Variants in ABCA4 observed in about 807,000 individuals in gnomAD.
ABCA4 encodes the protein retinal-specific phospholipid-transporting ATPase ABCA4.
In ABCA4, 196 loss-of-function variants were observed where a neutral mutation model predicts 263.7. That is an observed-to-expected ratio of 0.74 (90% CI 0.66 to 0.84). The LOEUF is 0.84. Among genes scored for constraint, ABCA4 ranks in the 40% least tolerant of loss-of-function variants. The pLI, the probability that ABCA4 is intolerant of heterozygous loss-of-function variation, is 0.00. For synonymous variants in ABCA4, 1,133 were observed against 1,094.2 expected (o/e 1.04, Z -0.70); for missense variants, 2,792 against 2,855.1 (o/e 0.98, Z 0.50).
chr1:94,099,404 C>T (rs1570423434), intron 5 of ABCA4, among the ~76,000 whole-genome samples: 1 of 152,228 alleles, frequency 6.6e-6, no homozygotes, highest in East Asian at 1.9e-4. Context: ...AACTTTCAGA[C>T]TTGTGACCTC....
intron 26 of ABCA4, 96 bp downstream of exon 26, chr1:94,036,644 C>T: frequency 7.4e-7 from 1 of 1,347,410 alleles, no homozygotes; most frequent in Non-Finnish European, 1.1e-6. Flanking sequence ...GCTGGGATTA[C>T]AGGCATGAGC....
Position 94,011,455 on chromosome 1 carries a change from C to T in ABCA4, c.5461-70G>A. On this transcript the variant is annotated intron_variant, in intron 38 of 49. Transcript: ENST00000370225. ...CCCCCCTCTCTTCAGCAGGTGGGGC[C>T]CAGATGCTCTCACAGGACAGCACAG... 2.5e-6 allele frequency: 4 copies of T among 1,608,466 alleles called. No homozygotes were observed. In the South Asian group the frequency reaches 4.4e-5, roughly 18 times the overall value.
chr1:94,095,588 G>A (rs188827500), intron 6 of ABCA4, among the ~76,000 whole-genome samples: 170 of 152,166 alleles, frequency 1.1e-3, no homozygotes, highest in African/African-American at 3.9e-3. Context: ...CCCTGGCCCC[G>A]GAGCAACCCC....
chr1:94,001,198 G>A (rs1659166836), intron 45 of ABCA4, 93 bp from the exon 46 acceptor site: 1 of 1,011,148 alleles, frequency 9.9e-7, no homozygotes, highest in African/African-American at 1.6e-5. Context: ...TGGAGGATGA[G>A]CTGACAGAAG....
At chr1:94,021,465 A>C in intron 34 of ABCA4, 56 bp from the exon 35 acceptor site, 1 of 1,610,260 alleles carries the variant, frequency 6.2e-7, no homozygotes, top group South Asian at 1.1e-5. Flanking sequence ...TAAAGCAGAA[A>C]TCAGTGAAGG....
chr1:94,093,853 T>C (rs1426002822), intron 6 of ABCA4, among the ~76,000 whole-genome samples: 1 of 152,230 alleles, frequency 6.6e-6, no homozygotes, highest in African/African-American at 2.4e-5. Flanking sequence ...TAAAGATTTT[T>C]GTAGATGCAG....
rs544766755 is a variant in ABCA4 at position 94,084,726 on chromosome 1, G to GTC, written c.769-1287_769-1286dup. 6.2e-3 allele frequency among the ~76,000 whole-genome samples: 939 copies of GTC among 152,274 alleles called. 7 individuals are homozygous for GTC. Among genetic ancestry groups the GTC allele is most frequent in the African/African-American group, 0.019 (773 of 41,560 alleles). The stretch of plus-strand genomic sequence containing the variant: ...TATTGACACCACATCACTGAGAAGC[G>GTC]TCTCCCCTCTTTGACCTGAGCACTG... On this transcript the variant is annotated intron_variant, in intron 6 of 49. Coordinates refer to ENST00000370225, the MANE Select transcript of ABCA4 (RefSeq NM_000350.3).
intron 5 of ABCA4, among the ~76,000 whole-genome samples, chr1:94,101,791 C>T (rs1028513791): frequency 6.6e-6 from 1 of 152,172 alleles, no homozygotes; most frequent in Admixed American, 6.5e-5. Context: ...GGCGGGGAGC[C>T]CAGAAGGCCC....
At chr1:94,095,781 T>C (rs1299447310) in intron 6 of ABCA4, among the ~76,000 whole-genome samples, 8 of 151,542 alleles carry the variant, frequency 5.3e-5, no homozygotes, top group Admixed American at 4.6e-4. Context: ...TTTTTGTTTT[T>C]AGTGTAATCC....
chr1:94,007,660 T>A lies in ABCA4; in HGVS notation c.5979A>T (p.Ser1993=), dbSNP rs1659426453. 2.5e-6 allele frequency: 4 copies of A among 1,614,142 alleles called. No individual in the cohort carries two copies. The highest frequency in any genetic ancestry group is 3.4e-6 in the Non-Finnish European group (4 of 1,180,014). The change falls in exon 43 of 50, where the codon TCA becomes TCT. Residue 1993 remains serine (S), a synonymous_variant. Coordinates refer to ENST00000370225, the MANE Select transcript of ABCA4 (RefSeq NM_000350.3). The part of the protein sequence containing the change: ...KMLTGDTTVT[S]GDATVAGKSI... ...TCTTGCCTGCTACGGTGGCATCCCC[T>A]GAGGTCACTGTGGTGTCCCCAGTGA...
chr1:94,115,203 T>A (rs781123781), intron 1 of ABCA4, among the ~76,000 whole-genome samples: 3 of 152,222 alleles, frequency 2.0e-5, no homozygotes, highest in Admixed American at 6.5e-5. Flanking sequence ...CTGGAAGTTG[T>A]TTCCAGTGTC....
At chr1:94,010,123 T>C (rs547669377) in intron 40 of ABCA4, among the ~76,000 whole-genome samples, 1 of 152,220 alleles carries the variant, frequency 6.6e-6, no homozygotes, top group African/African-American at 2.4e-5. Flanking sequence ...AACAAAACAC[T>C]ATTGGGGAAA....
At chr1:94,064,618 A>G (rs1661216299) in intron 11 of ABCA4, among the ~76,000 whole-genome samples, 1 of 152,158 alleles carries the variant, frequency 6.6e-6, no homozygotes, top group South Asian at 2.1e-4. Context: ...AAGCAATTAA[A>G]TCAGAATCTC....
rs746262766 is a variant in ABCA4 at position 94,031,766 on chromosome 1, C to T, written c.4128+12G>A. On this transcript the variant is annotated intron_variant, in intron 27 of 49. Transcript: ENST00000370225. ...CCACTGAGCTCAGCTAAACACCGACCGACAATAGTACCTGCGCCAGGAAGT... is the reference window on the plus strand; with the variant it reads ...CCACTGAGCTCAGCTAAACACCGACTGACAATAGTACCTGCGCCAGGAAGT... 3.2e-5 allele frequency: 52 copies of T among 1,613,026 alleles called. No individual in the cohort carries two copies. Among genetic ancestry groups the T allele is most frequent in the South Asian group, 8.8e-5 (8 of 91,006 alleles).
In ABCA4 at chr1:94,098,798, CG is replaced by C; in HGVS notation, c.763del (p.Arg255ValfsTer7). On this transcript the variant is annotated frameshift_variant, in exon 6 of 50. Transcript: ENST00000370225. LOFTEE classifies it high-confidence loss of function. Reference sequence around the variant, plus strand: ...GCAGCCAAACCCCTCCCTTACCACACGGAAGAGCTTGAAGAAGTCCACGTTG... The same window carrying C: ...GCAGCCAAACCCCTCCCTTACCACACGAAGAGCTTGAAGAAGTCCACGTTG... ...YANVDFFKLF[R>X]VLPTLLDSRS... The C allele has an allele frequency of 6.2e-7, 1 of 1,614,170 alleles. No homozygotes were observed. Among genetic ancestry groups the C allele is most frequent in the Non-Finnish European group, 8.5e-7 (1 of 1,180,032 alleles).
intron 6 of ABCA4, among the ~76,000 whole-genome samples, chr1:94,085,823 TC>T (rs897804498): frequency 1.3e-5 from 2 of 151,652 alleles, no homozygotes; most frequent in Admixed American, 6.6e-5. Flanking sequence ...TGCTCTCTAT[TC>T]CCCCCCATTC....
Position 94,077,873 on chromosome 1 carries a change from G to A in ABCA4, c.1371C>T (p.Asn457=). The A allele has an allele frequency of 6.2e-7, 1 of 1,614,136 alleles. No homozygotes were observed. Among genetic ancestry groups the A allele is most frequent in the East Asian group, 2.2e-5 (1 of 44,888 alleles). ...QMNMIRDTLG[N]PTVKDFLNRQ... ...TATTCAAAAAGTCTTTTACTGTTGGGTTCCCCAGGGTATCCTTGGGAAGAA... is the reference window on the plus strand; with the variant it reads ...TATTCAAAAAGTCTTTTACTGTTGGATTCCCCAGGGTATCCTTGGGAAGAA... Residue 457 remains asparagine, a synonymous_variant, in exon 11 of 50, where the codon AAC becomes AAT. Coordinates refer to ENST00000370225, the MANE Select transcript of ABCA4 (RefSeq NM_000350.3).
At chr1:94,083,005 A>C (rs1451052087) in intron 7 of ABCA4, among the ~76,000 whole-genome samples, 2 of 152,276 alleles carry the variant, frequency 1.3e-5, no homozygotes, top group Non-Finnish European at 2.9e-5. Flanking sequence ...GTATATATTT[A>C]TGTGAATTTT....
At position 94,094,834 on chromosome 1, in the gene ABCA4, C is replaced by T. The variant is rs989659073; in HGVS notation, c.768+3960G>A. Among the ~76,000 whole-genome samples, 5 of 152,258 alleles carry T rather than the reference C, an allele frequency of 3.3e-5. No individual in the cohort carries two copies. The South Asian group carries it at 8.3e-4, about 25-fold the overall frequency. On this transcript the variant is annotated intron_variant, in intron 6 of 49. Transcript: ENST00000370225. The stretch of plus-strand genomic sequence containing the variant: ...CAAATCAGATGGGAAGCGTCCCAAC[C>T]TCTCACCCGAAACTGACACACCATT...
Sources: allele counts gnomAD v4.1 joint callset (sites outside exome capture counted in the v4.1 genomes callset), GRCh38; gene constraint gnomAD v4.1.1; transcripts MANE v1.5; gene names NCBI Gene and HGNC (gene_info 2026-07-23, HGNC 2026-07-21).